The following KTN1 variants were observed in gnomAD, a reference collection of about 807,000 sequenced individuals.
The protein encoded by KTN1 is kinectin 1.
In KTN1, 130 loss-of-function variants were observed where a neutral mutation model predicts 222.5. The observed-to-expected ratio is 0.58, with a 90% CI of 0.51 to 0.68. KTN1 has a LOEUF of 0.68. KTN1 is among the 30% of genes least tolerant of loss of function. KTN1 has a pLI of 0.00. For missense variants in KTN1, 1,508 were observed against 1,500.4 expected (o/e 1.01, Z -0.08); for synonymous variants, 512 against 496.3 (o/e 1.03, Z -0.42).
intron 42 of KTN1, 106 bp downstream of exon 42, chr14:55,678,550 T>TA (rs746441852): frequency 3.2e-5 from 23 of 707,872 alleles, no homozygotes; most frequent in Admixed American, 1.1e-4. Context: ...TTCTTGAAAA[T>TA]ATCCTGTCCC....
At chr14:55,620,688 A>T (rs1165267732) in intron 5 of KTN1, among the ~76,000 whole-genome samples, 1 of 152,110 alleles carries the variant, frequency 6.6e-6, no homozygotes, top group African/African-American at 2.4e-5. Flanking sequence ...GCAGGACACC[A>T]AGTCCCTAGG....
chr14:55,639,912 G>T lies in KTN1; in HGVS notation c.1824-1G>T. 1 of 1,569,880 alleles carries T rather than the reference G, an allele frequency of 6.4e-7. No individual in the cohort carries two copies. Among genetic ancestry groups the T allele is most frequent in the South Asian group, 1.1e-5 (1 of 89,178 alleles). ...ATGTACAAATGTCTTTCCTTCTAAA[G>T]GATTGCAGAAAAGGATAAGCAGATA... On this transcript the variant is annotated splice_acceptor_variant, in intron 13 of 43. Transcript: ENST00000395314. LOFTEE classifies it high-confidence loss of function.
chr14:55,682,356 A>G (rs1209788504), intron 43 of KTN1: 1 of 152,114 alleles, frequency 6.6e-6, no homozygotes, highest in African/African-American at 2.4e-5. Flanking sequence ...TGCCTTTTAT[A>G]TGAATTGACA....
chr14:55,593,515 C>T (rs747755978), intron 1 of KTN1, among the ~76,000 whole-genome samples: 53 of 145,658 alleles, frequency 3.6e-4, no homozygotes, highest in Middle Eastern at 3.8e-3. Flanking sequence ...CTGGGAAACG[C>T]GCTAGGACTA....
At chr14:55,585,409 GTT>G (rs2032778581) in intron 1 of KTN1, among the ~76,000 whole-genome samples, 1 of 151,922 alleles carries the variant, frequency 6.6e-6, no homozygotes, top group Non-Finnish European at 1.5e-5. Context: ...CACCTTAAAT[GTT>G]TTCACTTAAA....
intron 9 of KTN1, 41 bp from the exon 10 acceptor site, chr14:55,636,408 G>C: frequency 6.9e-7 from 1 of 1,451,454 alleles, no homozygotes; most frequent in Non-Finnish European, 9.6e-7. Context: ...GAAATTCTGT[G>C]TTTGTGCTAA....
chr14:55,638,140 A>G (rs944063509), intron 12 of KTN1, among the ~76,000 whole-genome samples: 8 of 151,966 alleles, frequency 5.3e-5, no homozygotes, highest in African/African-American at 1.7e-4. Context: ...GCCAAATCCT[A>G]TCTAGAATAG....
chr14:55,646,496 TTTCCTTTCC>T (rs2042354627), intron 18 of KTN1, among the ~76,000 whole-genome samples: 2 of 113,972 alleles, frequency 1.8e-5, no homozygotes, highest in African/African-American at 7.3e-5. Context: ...TTTCCTTTCC[TTTCCTTTCC>T]TTTCCTTTCC....
intron 1 of KTN1, among the ~76,000 whole-genome samples, chr14:55,580,751 C>G (rs779356171): frequency 6.6e-6 from 1 of 152,122 alleles, no homozygotes; most frequent in Non-Finnish European, 1.5e-5. Flanking sequence ...CCTGAGGGCC[C>G]CCGGGAGGGA....
At chr14:55,632,343 G>C (rs980194776) in intron 7 of KTN1, among the ~76,000 whole-genome samples, 1 of 152,014 alleles carries the variant, frequency 6.6e-6, no homozygotes, top group Non-Finnish European at 1.5e-5. Context: ...GTGAAAAATA[G>C]AAATGTATAC....
At chr14:55,609,324 A>T (rs1165612953) in intron 1 of KTN1, among the ~76,000 whole-genome samples, 1 of 152,146 alleles carries the variant, frequency 6.6e-6, no homozygotes, top group African/African-American at 2.4e-5. Flanking sequence ...TGCCGAGGAC[A>T]TGATCTCATT....
chr14:55,644,891 A>C (rs2042149053), intron 18 of KTN1, among the ~76,000 whole-genome samples: 1 of 152,156 alleles, frequency 6.6e-6, no homozygotes, highest in South Asian at 2.1e-4. Flanking sequence ...GCTGCAGACC[A>C]AGAATACTTT....
At chr14:55,636,582 T>C (rs1228793237) in intron 10 of KTN1, 46 bp downstream of exon 10, 1 of 1,406,304 alleles carries the variant, frequency 7.1e-7, no homozygotes, top group Admixed American at 2.0e-5. Flanking sequence ...TAATTTTGGG[T>C]AAAATTTCCT....
At chr14:55,605,495 T>C (rs1403674206) in intron 1 of KTN1, among the ~76,000 whole-genome samples, 1 of 152,210 alleles carries the variant, frequency 6.6e-6, no homozygotes, top group Non-Finnish European at 1.5e-5. Context: ...GTTATGCATT[T>C]GTTTCTGCCA....
chr14:55,626,700 G>A (rs2140867883), intron 5 of KTN1, among the ~76,000 whole-genome samples: 1 of 152,210 alleles, frequency 6.6e-6, no homozygotes, highest in Non-Finnish European at 1.5e-5. Context: ...GGGATGGCTG[G>A]TGTTCTCCTT....
intron 18 of KTN1, among the ~76,000 whole-genome samples, chr14:55,642,441 A>G (rs184490715): frequency 2.0e-5 from 3 of 152,318 alleles, no homozygotes; most frequent in Admixed American, 6.5e-5. Context: ...GCCCAGTGGT[A>G]TCTGTTCTCT....
intron 2 of KTN1, among the ~76,000 whole-genome samples, chr14:55,613,430 A>G (rs1412182691): frequency 6.6e-6 from 1 of 152,006 alleles, no homozygotes; most frequent in Non-Finnish European, 1.5e-5. Flanking sequence ...GTTTTATTTG[A>G]AAGGACTTGT....
At chr14:55,636,100 C>T (rs1385794195) in intron 9 of KTN1, among the ~76,000 whole-genome samples, 1 of 152,102 alleles carries the variant, frequency 6.6e-6, no homozygotes, top group Non-Finnish European at 1.5e-5. Flanking sequence ...TCCTGTCCTT[C>T]GGAAGCTTAT....
intron 2 of KTN1, among the ~76,000 whole-genome samples, chr14:55,613,492 T>A (rs912213522): frequency 1.4e-5 from 1 of 70,700 alleles, no homozygotes; most frequent in Non-Finnish European, 3.0e-5. Context: ...TTATATTTGA[T>A]TTTTTTTTTT....
Sources: gnomAD v4.1 joint callset for allele counts (sites outside exome capture counted in the v4.1 genomes callset) on GRCh38, gnomAD v4.1.1 for gene constraint, MANE v1.5 for transcripts, NCBI Gene and HGNC (gene_info 2026-07-23, HGNC 2026-07-21) for gene names.